The following GRIP2 variants were observed in gnomAD, a reference collection of about 807,000 sequenced individuals.
The protein encoded by GRIP2 is glutamate receptor-interacting protein 2.
Under a neutral mutation model 108.3 loss-of-function variants are expected in GRIP2, and 58 were observed. The observed-to-expected ratio is 0.54, with a 90% CI of 0.43 to 0.67. GRIP2 has a LOEUF of 0.67. Ranked by LOEUF, GRIP2 falls within the 30% of genes least tolerant of loss-of-function variation. GRIP2 has a pLI of 0.00. For missense variants in GRIP2, 1,278 were observed against 1,430.6 expected, an observed-to-expected ratio of 0.89 and a Z score of 1.72; for synonymous variants, 586 against 598.2, an observed-to-expected ratio of 0.98 and a Z score of 0.30.
chr3:14,567,747 T>A, the GRIP2 span, among the ~76,000 whole-genome samples: 1 of 152,242 alleles, frequency 6.6e-6, no homozygotes, highest in African/African-American at 2.4e-5. Flanking sequence ...GCTGGGCAGC[T>A]CTTATGCTCC....
chr3:14,566,624 T>G, the GRIP2 span, among the ~76,000 whole-genome samples: 4 of 152,164 alleles, frequency 2.6e-5, no homozygotes, highest in Non-Finnish European at 5.9e-5. Context: ...GACCATTCAG[T>G]GTTCAAAGGG....
In GRIP2 at chr3:14,523,090, A is replaced by G; in HGVS notation, c.491-15T>C. On this transcript the variant is annotated splice_polypyrimidine_tract_variant and intron_variant, in intron 5 of 23. Transcript: ENST00000621039. Reference sequence around the variant, plus strand: ...ATGGGCACCTCCTGGACAGGATTTGACAAGAAGCAGGAATCATCCACCCAC... The same window carrying G: ...ATGGGCACCTCCTGGACAGGATTTGGCAAGAAGCAGGAATCATCCACCCAC... The G allele has an allele frequency of 6.3e-7, 1 of 1,587,498 alleles. No individual in the cohort carries two copies. Among genetic ancestry groups the G allele is most frequent in the East Asian group, 2.3e-5 (1 of 44,352 alleles).
At chr3:14,554,126 A>C (rs975378654) in intron 1 of GRIP2, among the ~76,000 whole-genome samples, 41 of 152,284 alleles carry the variant, frequency 2.7e-4, no homozygotes, top group African/African-American at 9.1e-4. Context: ...AACTTCCTCA[A>C]TCGGCACTGC....
chr3:14,501,379 G>A (rs1378239091), intron 21 of GRIP2, among the ~76,000 whole-genome samples: 1 of 152,152 alleles, frequency 6.6e-6, no homozygotes, highest in African/African-American at 2.4e-5. Flanking sequence ...TTGATAAACA[G>A]GAAGTTTACA....
intron 8 of GRIP2, 29 bp downstream of exon 8, chr3:14,520,361 A>G (rs761975870): frequency 4.3e-6 from 7 of 1,610,786 alleles, no homozygotes; most frequent in Non-Finnish European, 5.1e-6. Flanking sequence ...ACACACCTCC[A>G]TGGTGGCAGC....
rs1188075593 is a variant in GRIP2 at position 14,507,455 on chromosome 3, G to A, written c.2218+106C>T. On this transcript the variant is annotated intron_variant, in intron 18 of 23. Transcript: ENST00000621039. This position sits in a 1 kb window ranked among gnomAD's most constrained non-coding sequence, Gnocchi z 4.6. ...TTGCCATCGCAGGCCCGCCTCCACAGGGCTGCAGTGAGGACTCTGTGAGGG... is the reference window on the plus strand; with the variant it reads ...TTGCCATCGCAGGCCCGCCTCCACAAGGCTGCAGTGAGGACTCTGTGAGGG... 11 of 1,396,866 alleles carry A rather than the reference G, an allele frequency of 7.9e-6. No individual in the cohort carries two copies. The highest frequency in any genetic ancestry group is 1.1e-5 in the Non-Finnish European group (11 of 1,003,766). The allele number at this position is 1,396,866 out of a possible 1,614,324, so 86.5% of individuals were successfully genotyped here.
chr3:14,513,834 G>T (rs1477566246), intron 12 of GRIP2, 24 bp from the exon 13 acceptor site: 5 of 1,608,892 alleles, frequency 3.1e-6, no homozygotes, highest in Non-Finnish European at 4.2e-6. Flanking sequence ...GCCCGGCAGA[G>T]AGAAGAGGCT....
At chr3:14,565,506 C>T in the GRIP2 span, among the ~76,000 whole-genome samples, 1 of 152,156 alleles carries the variant, frequency 6.6e-6, no homozygotes, top group Admixed American at 6.5e-5. Flanking sequence ...AGAACCAACC[C>T]GCACAGCTGG....
At chr3:14,602,357 C>G in the GRIP2 span, 1 of 152,024 alleles carries the variant, frequency 6.6e-6, no homozygotes, top group African/African-American at 2.4e-5. This position sits in a 1 kb window ranked among gnomAD's most constrained non-coding sequence, Gnocchi z 4.7. Context: ...CGAGTCAGCC[C>G]CCTCCCTGGC....
At chr3:14,595,840 A>G in the GRIP2 span, among the ~76,000 whole-genome samples, 1 of 152,188 alleles carries the variant, frequency 6.6e-6, no homozygotes, top group African/African-American at 2.4e-5. Flanking sequence ...GGGGCAGCCC[A>G]GGGCCTGGCT....
Position 14,505,739 on chromosome 3 carries a change from T to TCC in GRIP2, c.2447_2448dup (p.Arg817GlyfsTer6). 1 of 1,583,422 alleles carries TCC rather than the reference T, an allele frequency of 6.3e-7. No individual in the cohort carries two copies. The highest frequency in any genetic ancestry group is 8.6e-7 in the Non-Finnish European group (1 of 1,164,698). Reference sequence around the variant, plus strand: ...GGGCTGCCCCTCAGCCAGCCAGGCCTCCGCTCCTGGGGGGTCGTGCCCCGG... The same window carrying TCC: ...GGGCTGCCCCTCAGCCAGCCAGGCCTCCCCGCTCCTGGGGGGTCGTGCCCCGG... On this transcript the variant is annotated frameshift_variant, in exon 20 of 24. Coordinates refer to ENST00000621039, the MANE Select transcript of GRIP2 (RefSeq NM_001080423.4). LOFTEE classifies it high-confidence loss of function. The surrounding 1 kb of genome is among the most constrained non-coding windows in gnomAD (Gnocchi z 4.2).
chr3:14,540,134 C>T lies in GRIP2; in HGVS notation c.40+135G>A, dbSNP rs1694930485. ...GCCCCAGCAAGTGTCCTGCCCCACC[C>T]TCCCCAAGCCCTGGGTCTCCAGGGA... On this transcript the variant is annotated intron_variant, in intron 1 of 23. Coordinates refer to ENST00000621039, the MANE Select transcript of GRIP2 (RefSeq NM_001080423.4). The surrounding 1 kb of genome is among the most constrained non-coding windows in gnomAD (Gnocchi z 4.1). 4.3e-6 allele frequency: 5 copies of T among 1,160,786 alleles called. 1 individual carries two copies. The South Asian group carries it at 7.8e-5, about 18-fold the overall frequency. The allele number at this position is 1,160,786 out of a possible 1,614,324, so 71.9% of individuals were successfully genotyped here.
the GRIP2 span, among the ~76,000 whole-genome samples, chr3:14,575,363 C>A: frequency 1.3e-5 from 2 of 152,208 alleles, no homozygotes; most frequent in African/African-American, 4.8e-5. Context: ...TGGGGCCACA[C>A]TGGGGTCTAA....
upstream of GRIP2, chr3:14,541,926 A>G: frequency 7.4e-7 from 1 of 1,345,220 alleles, no homozygotes; most frequent in Non-Finnish European, 9.9e-7. Flanking sequence ...CGCCATGAAG[A>G]CCCTGGCCTT....
intron 1 of GRIP2, among the ~76,000 whole-genome samples, chr3:14,555,290 C>G (rs890787868): frequency 6.6e-6 from 1 of 152,058 alleles, no homozygotes; most frequent in South Asian, 2.1e-4. Context: ...CCACACACAG[C>G]GCCCCTGCCA....
In GRIP2 at chr3:14,511,485, GAA is replaced by G. The variant is rs769500075; in HGVS notation, c.1721-8_1721-7del. On this transcript the variant is annotated splice_region_variant and splice_polypyrimidine_tract_variant and intron_variant, in intron 14 of 23. Transcript: ENST00000621039. This position sits in a 1 kb window ranked among gnomAD's most constrained non-coding sequence, Gnocchi z 4.1. ...CCCTCGTTTCCTGCTGGCCGCTGGA[GAA>G]AAAGAGGCCATGAATCTGACCTTGG... 1.2e-6 allele frequency: 2 copies of G among 1,612,948 alleles called. No homozygotes were observed. Among genetic ancestry groups the G allele is most frequent in the South Asian group, 2.2e-5 (2 of 91,028 alleles).
the GRIP2 span, among the ~76,000 whole-genome samples, chr3:14,590,381 T>C: frequency 3.3e-5 from 5 of 152,248 alleles, no homozygotes; most frequent in Non-Finnish European, 7.3e-5. Context: ...GTCTTGTCTT[T>C]GAACCTTCTG....
chr3:14,503,189 A>G (rs916783265), intron 21 of GRIP2, among the ~76,000 whole-genome samples: 1 of 151,908 alleles, frequency 6.6e-6, no homozygotes, highest in Non-Finnish European at 1.5e-5. Flanking sequence ...AAAAATACCA[A>G]AACTGCCCCG....
chr3:14,602,897 G>C, the GRIP2 span, among the ~76,000 whole-genome samples: 2 of 150,724 alleles, frequency 1.3e-5, no homozygotes, highest in Non-Finnish European at 3.0e-5. The surrounding 1 kb of genome is among the most constrained non-coding windows in gnomAD (Gnocchi z 4.7). Context: ...CCGCGCGCGC[G>C]CTCACCGGCC....
Sources: gnomAD v4.1 joint callset for allele counts (sites outside exome capture counted in the v4.1 genomes callset) on GRCh38, gnomAD v4.1.1 for gene constraint, Gnocchi (gnomAD v3.1) non-coding constraint, MANE v1.5 for transcripts, NCBI Gene and HGNC (gene_info 2026-07-23, HGNC 2026-07-21) for gene names.